TLK1: variants seen among roughly 807,000 people sequenced by gnomAD.
TLK1 encodes serine/threonine-protein kinase tousled-like 1.
TLK1 carries 24 observed loss-of-function variants against 105.3 expected under a neutral mutation model. That is an observed-to-expected ratio of 0.23 (90% CI 0.17 to 0.32). The LOEUF is 0.32. TLK1 is among the 10% of genes least tolerant of loss of function. The probability of loss-of-function intolerance (pLI) is 1.00; values close to 1 mark genes in which losing one functional copy is unlikely to be tolerated. For synonymous variants in TLK1, 321 were observed against 310.4 expected (o/e 1.03, Z -0.36); for missense variants, 558 against 910.5 (o/e 0.61, Z 4.98).
chr2:171,054,799 G>T (rs1367838015), intron 7 of TLK1: 2 of 210,648 alleles, frequency 9.5e-6, no homozygotes, highest in African/African-American at 4.6e-5. Flanking sequence ...AAATACAGCA[G>T]TTTCACAAAA....
intron 1 of TLK1, chr2:171,155,898 CTATT>C (rs1692213774): frequency 6.6e-6 from 1 of 152,116 alleles, no homozygotes; most frequent in Admixed American, 6.6e-5. Context: ...ATTCTCCCTC[CTATT>C]TATTAAAATT....
intron 1 of TLK1, among the ~76,000 whole-genome samples, chr2:171,219,369 C>T (rs576757650): frequency 3.1e-4 from 47 of 152,152 alleles, no homozygotes; most frequent in Non-Finnish European, 5.4e-4. Flanking sequence ...AATCGAGTCT[C>T]CCTCTGTCTC....
rs1322305245 is a variant in TLK1 at position 171,133,698 on chromosome 2, G to T, written c.140-15841C>A. 4.6e-5 allele frequency among the ~76,000 whole-genome samples: 7 copies of T among 151,472 alleles called. No homozygotes were observed. The East Asian group carries it at 1.4e-3, about 29-fold the overall frequency. ...ATAGTGTCTAACTATGAACAATGAT[G>T]AATACAGGTTGAGTATCCCTTATCC... is the stretch of plus-strand genomic sequence containing the variant. On this transcript the variant is annotated intron_variant, in intron 1 of 20. Transcript: ENST00000431350.
intron 1 of TLK1, among the ~76,000 whole-genome samples, chr2:171,141,569 AT>A (rs1300031360): frequency 6.6e-6 from 1 of 152,144 alleles, no homozygotes; most frequent in Non-Finnish European, 1.5e-5. Context: ...GTGACCAGAG[AT>A]CTACAAGCTA....
At chr2:171,115,188 T>TTTTTTTTTA (rs1690362509) in intron 2 of TLK1, among the ~76,000 whole-genome samples, 8 of 150,020 alleles carry the variant, frequency 5.3e-5, no homozygotes, top group African/African-American at 1.5e-4. Flanking sequence ...TTTTTTTTTT[T>TTTTTTTTTA]GAGACTGAGT....
chr2:171,164,438 G>C (rs1403179662), upstream of TLK1, among the ~76,000 whole-genome samples: 1 of 152,104 alleles, frequency 6.6e-6, no homozygotes, highest in Admixed American at 6.5e-5. Context: ...AGGATCACTT[G>C]AACACAAGAG....
At chr2:171,051,302 T>C (rs539495550) in intron 8 of TLK1, among the ~76,000 whole-genome samples, 25 of 152,228 alleles carry the variant, frequency 1.6e-4, no homozygotes, top group African/African-American at 6.0e-4. Context: ...CCTTCCTTAA[T>C]AATGGAAATT....
At chr2:171,133,998 T>G (rs776291701) in intron 1 of TLK1, among the ~76,000 whole-genome samples, 5 of 151,610 alleles carry the variant, frequency 3.3e-5, no homozygotes, top group Non-Finnish European at 4.4e-5. Flanking sequence ...TACCTGGCTG[T>G]TTTTTTTAAT....
intron 3 of TLK1, among the ~76,000 whole-genome samples, chr2:171,082,433 G>C (rs1232025997): frequency 6.6e-6 from 1 of 152,042 alleles, no homozygotes; most frequent in Non-Finnish European, 1.5e-5. Context: ...AAACTAAAAG[G>C]AAAGAATAAA....
intron 20 of TLK1, among the ~76,000 whole-genome samples, chr2:170,995,696 G>C (rs1256022836): frequency 6.6e-6 from 1 of 152,136 alleles, no homozygotes; most frequent in East Asian, 1.9e-4. Flanking sequence ...TTTCAAATAA[G>C]AATATTTATC....
At chr2:171,054,349 T>A (rs1021933070) in intron 7 of TLK1, 3 of 152,300 alleles carry the variant, frequency 2.0e-5, no homozygotes, top group African/African-American at 7.2e-5. Context: ...GCCCCTATGA[T>A]GTATAATAGT....
chr2:171,228,190 T>C (rs13430050), intron 1 of TLK1, among the ~76,000 whole-genome samples: 8,551 of 152,010 alleles, frequency 0.056, 499 homozygotes, highest in East Asian at 0.25. Context: ...AATAAACAAA[T>C]AAATAAAAGA....
chr2:171,188,830 A>C (rs1331336277), intron 1 of TLK1, among the ~76,000 whole-genome samples: 1 of 151,628 alleles, frequency 6.6e-6, no homozygotes, highest in Non-Finnish European at 1.5e-5. Flanking sequence ...AGCCGAGATC[A>C]GGCCACTGCA....
chr2:171,053,032 G>C (rs1687317674), intron 8 of TLK1, among the ~76,000 whole-genome samples: 1 of 152,154 alleles, frequency 6.6e-6, no homozygotes, highest in Non-Finnish European at 1.5e-5. Flanking sequence ...GCATCAAGGG[G>C]TAAGAACTGC....
chr2:171,005,210 T>A (rs889755763), intron 18 of TLK1, among the ~76,000 whole-genome samples: 1 of 152,256 alleles, frequency 6.6e-6, no homozygotes, highest in Middle Eastern at 3.2e-3. Flanking sequence ...TGAAATTTTA[T>A]AGTTTATGTT....
At chr2:171,111,502 T>A (rs947143199) in intron 2 of TLK1, among the ~76,000 whole-genome samples, 2 of 151,804 alleles carry the variant, frequency 1.3e-5, no homozygotes. Flanking sequence ...GAGGGACTGC[T>A]TGAGCCTGGG....
At chr2:171,119,604 T>C (rs1371603215) in intron 1 of TLK1, among the ~76,000 whole-genome samples, 2 of 152,204 alleles carry the variant, frequency 1.3e-5, no homozygotes, top group East Asian at 1.9e-4. Flanking sequence ...AATAAGAATA[T>C]GGTACTGGCA....
intron 2 of TLK1, among the ~76,000 whole-genome samples, chr2:171,100,184 A>G (rs73029222): frequency 0.014 from 2,124 of 152,288 alleles, 40 homozygotes; most frequent in African/African-American, 0.046. Flanking sequence ...AATACATACC[A>G]AAAACACAGT....
chr2:171,011,336 C>T (rs1448478103), intron 14 of TLK1, 37 bp downstream of exon 14: 2 of 1,553,090 alleles, frequency 1.3e-6, no homozygotes, highest in South Asian at 2.3e-5. Flanking sequence ...ATCCTTGCTA[C>T]ATTAGTGTAA....
Sources: allele counts gnomAD v4.1 joint callset (sites outside exome capture counted in the v4.1 genomes callset), GRCh38; gene constraint gnomAD v4.1.1; transcripts MANE v1.5; gene names NCBI Gene and HGNC (gene_info 2026-07-23, HGNC 2026-07-21).